PAX7: variants seen among roughly 807,000 people sequenced by gnomAD.
PAX7 encodes the protein paired box protein Pax-7.
A neutral mutation model predicts 50.7 loss-of-function variants in PAX7; 18 were observed. The observed-to-expected ratio is 0.36, with a 90% CI of 0.25 to 0.53. The LOEUF (loss-of-function observed/expected upper bound fraction) is 0.53. Ranked by LOEUF, PAX7 falls within the 20% of genes least tolerant of loss-of-function variation. The pLI, the probability that PAX7 is intolerant of heterozygous loss-of-function variation, is 0.93. For synonymous variants in PAX7, 310 were observed against 290.4 expected, an observed-to-expected ratio of 1.07 and a Z score of -0.69; for missense variants, 644 against 702.9, an observed-to-expected ratio of 0.92 and a Z score of 0.95.
chr1:18,735,946 G>A lies in PAX7; in HGVS notation c.1402+68G>A. 1.2e-6 allele frequency: 2 copies of A among 1,613,918 alleles called. No homozygotes were observed. Among genetic ancestry groups the A allele is most frequent in the Non-Finnish European group, 1.7e-6 (2 of 1,180,020 alleles). On this transcript the variant is annotated intron_variant, in intron 8 of 8. Coordinates refer to ENST00000420770, the MANE Select transcript of PAX7 (RefSeq NM_001135254.2). This position sits in a 1 kb window ranked among gnomAD's most constrained non-coding sequence, Gnocchi z 4.0. Reference sequence around the variant, plus strand: ...CTCCCACCCCCAGGGCCTCCTGCTTGTTTATGGAGAGCTACAAGGTGGTGT... The same window carrying A: ...CTCCCACCCCCAGGGCCTCCTGCTTATTTATGGAGAGCTACAAGGTGGTGT...
At chr1:18,641,397 G>T (rs2088251339) in intron 4 of PAX7, among the ~76,000 whole-genome samples, 2 of 152,158 alleles carry the variant, frequency 1.3e-5, no homozygotes, top group African/African-American at 4.8e-5. Flanking sequence ...TTGGGACTCC[G>T]TGGGGAGCCA....
intron 4 of PAX7, among the ~76,000 whole-genome samples, chr1:18,688,667 G>A (rs974476749): frequency 9.2e-5 from 14 of 152,170 alleles, no homozygotes; most frequent in African/African-American, 2.4e-4. Context: ...TTGGGAGGCC[G>A]AAGCAGGCGG....
chr1:18,657,095 C>G (rs1230444187), intron 4 of PAX7, among the ~76,000 whole-genome samples: 5 of 152,152 alleles, frequency 3.3e-5, no homozygotes, highest in Admixed American at 6.5e-5. Flanking sequence ...TCAGGAATGT[C>G]CTTTTTTCTT....
At chr1:18,687,840 C>T (rs1050806498) in intron 4 of PAX7, among the ~76,000 whole-genome samples, 2 of 152,036 alleles carry the variant, frequency 1.3e-5, no homozygotes, top group African/African-American at 4.8e-5. Flanking sequence ...GTCTGGGCTT[C>T]GGTCTGGGCA....
At chr1:18,709,205 G>A (rs942180194) in intron 7 of PAX7, among the ~76,000 whole-genome samples, 9 of 152,208 alleles carry the variant, frequency 5.9e-5, no homozygotes, top group East Asian at 1.9e-4. Flanking sequence ...AAAATCACAC[G>A]GTTGGGTTAG....
At chr1:18,732,842 A>C (rs2089662815) in intron 7 of PAX7, among the ~76,000 whole-genome samples, 1 of 152,026 alleles carries the variant, frequency 6.6e-6, no homozygotes, top group Non-Finnish European at 1.5e-5. Flanking sequence ...CCCTCCCATC[A>C]TCCCATCCGG....
At chr1:18,676,793 G>A (rs752637863) in intron 4 of PAX7, among the ~76,000 whole-genome samples, 57 of 152,318 alleles carry the variant, frequency 3.7e-4, no homozygotes, top group Non-Finnish European at 6.0e-4. Flanking sequence ...GCATTGTTGA[G>A]AGCCAGCCCC....
chr1:18,694,461 A>AAAATAAATAAATAAGT (rs1475526287), intron 5 of PAX7, among the ~76,000 whole-genome samples: 30 of 139,754 alleles, frequency 2.1e-4, no homozygotes, highest in African/African-American at 7.5e-4. Flanking sequence ...CTCTGTCTCG[A>AAAATAAATAAATAAGT]AAATAAATAA....
At chr1:18,671,806 A>T (rs1476081014) in intron 4 of PAX7, among the ~76,000 whole-genome samples, 2 of 113,684 alleles carry the variant, frequency 1.8e-5, no homozygotes, top group Non-Finnish European at 3.9e-5. Context: ...TAACTCTATA[A>T]AAAAAAAAAA....
In PAX7 at chr1:18,631,513, A is replaced by G. The variant is rs1424712345; in HGVS notation, c.-91A>G. The G allele has an allele frequency of 2.8e-6, 3 of 1,061,324 alleles. No individual in the cohort carries two copies. The highest frequency in any genetic ancestry group is 2.5e-5 in the East Asian group (1 of 39,354). 65.7% of individuals were successfully genotyped at this position (1,061,324 alleles called of 1,614,324 possible). A position where few individuals can be genotyped will look rare whatever the true frequency, so the allele number is the denominator to read the frequency against. On this transcript the variant is annotated 5_prime_UTR_variant, in exon 1 of 9. Coordinates refer to ENST00000420770, the MANE Select transcript of PAX7 (RefSeq NM_001135254.2). The stretch of plus-strand genomic sequence containing the variant: ...GAGGTTAAAAAAAAGAAGACGAAGA[A>G]GACGGAAAGAAAGAGATCGCAGCAG...
Position 18,746,391 on chromosome 1 carries a change from C to G in PAX7, c.*1462C>G, listed in dbSNP as rs1416182429. Reference sequence around the variant, plus strand: ...ACCAGTGGCCTCCTGAAGTTCCATGCTTTTAAGAGCTGGGACCTTGGGAGG... The same window carrying G: ...ACCAGTGGCCTCCTGAAGTTCCATGGTTTTAAGAGCTGGGACCTTGGGAGG... On this transcript the variant is annotated 3_prime_UTR_variant, in exon 9 of 9. Transcript: ENST00000420770. The G allele has an allele frequency of 4.3e-6, 1 of 230,798 alleles. No individual in the cohort carries two copies. The highest frequency in any genetic ancestry group is 8.6e-6 in the Non-Finnish European group (1 of 116,496). 14.3% of individuals were successfully genotyped at this position (230,798 alleles called of 1,614,324 possible).
Position 18,703,217 on chromosome 1 carries a change from C to T in PAX7, c.1076C>T (p.Ser359Phe), listed in dbSNP as rs1325690512. Residue 359 changes from serine (S) to phenylalanine (F), a missense_variant, in exon 7 of 9, where the codon TCC becomes TTC. Ser to Phe is a radical substitution (Grantham distance 155). Coordinates refer to ENST00000420770, the MANE Select transcript of PAX7 (RefSeq NM_001135254.2). Reference sequence around the variant, plus strand: ...GCCTACGGAGCCCGCCACAGCTTCTCCAGCTACTCTGACAGCTTCATGAAT... The same window carrying T: ...GCCTACGGAGCCCGCCACAGCTTCTTCAGCTACTCTGACAGCTTCATGAAT... ...SSAYGARHSF[S>F]SYSDSFMNPA... 3 of 1,614,232 alleles carry T rather than the reference C, an allele frequency of 1.9e-6. No homozygotes were observed. The highest frequency in any genetic ancestry group is 2.2e-5 in the East Asian group (1 of 44,884).
rs1253468954 is a variant in PAX7 at position 18,631,675 on chromosome 1, A to T, written c.72A>T (p.Gly24=). The stretch of plus-strand genomic sequence containing the variant: ...CGGGGCAGAACTACCCCCGCACGGG[A>T]TTCCCTTTGGAAGGTAAGAACGCCC... ...PAPGQNYPRT[G]FPLEVSTPLG... Residue 24 remains glycine, a synonymous_variant, in exon 1 of 9, where the codon GGA becomes GGT. Coordinates refer to ENST00000420770, the MANE Select transcript of PAX7 (RefSeq NM_001135254.2). 1.2e-6 allele frequency: 2 copies of T among 1,612,390 alleles called. No individual in the cohort carries two copies. Among genetic ancestry groups the T allele is most frequent in the African/African-American group, 2.7e-5 (2 of 74,834 alleles).
intron 7 of PAX7, among the ~76,000 whole-genome samples, chr1:18,728,113 G>A (rs942494871): frequency 2.0e-5 from 3 of 152,316 alleles, no homozygotes; most frequent in South Asian, 4.1e-4. Flanking sequence ...AGGGGCATGC[G>A]TGTGTCTGGG....
chr1:18,725,920 T>C (rs545511791), intron 7 of PAX7, among the ~76,000 whole-genome samples: 39 of 152,372 alleles, frequency 2.6e-4, no homozygotes, highest in South Asian at 2.3e-3. Context: ...TGTTTCCAGA[T>C]ATTTCTAGAT....
intron 5 of PAX7, among the ~76,000 whole-genome samples, chr1:18,692,562 A>AAGGG (rs1163900701): frequency 5.3e-5 from 8 of 150,544 alleles, no homozygotes; most frequent in Non-Finnish European, 1.2e-4. Flanking sequence ...AGAAAGAAAG[A>AAGGG]AGGGAGGGAG....
chr1:18,684,972 G>C (rs1234311187), intron 4 of PAX7, among the ~76,000 whole-genome samples: 1 of 152,178 alleles, frequency 6.6e-6, no homozygotes, highest in African/African-American at 2.4e-5. Flanking sequence ...GGTAGATTCA[G>C]AGATTGTGGC....
intron 4 of PAX7, among the ~76,000 whole-genome samples, chr1:18,645,247 G>A (rs2088319749): frequency 6.6e-6 from 1 of 152,236 alleles, no homozygotes; most frequent in African/African-American, 2.4e-5. Context: ...GCGTCGGCGG[G>A]CTGGGCCTTG....
chr1:18,707,177 G>T (rs1230009697), intron 7 of PAX7, among the ~76,000 whole-genome samples: 2 of 152,194 alleles, frequency 1.3e-5, no homozygotes, highest in Non-Finnish European at 2.9e-5. Flanking sequence ...TATTGTCCTA[G>T]TGGAGGTGAC....
Sources: gnomAD v4.1 joint callset for allele counts (sites outside exome capture counted in the v4.1 genomes callset) on GRCh38, gnomAD v4.1.1 for gene constraint, Gnocchi (gnomAD v3.1) non-coding constraint, MANE v1.5 for transcripts, NCBI Gene and HGNC (gene_info 2026-07-23, HGNC 2026-07-21) for gene names.